EZH2: variants seen among roughly 807,000 people sequenced by gnomAD.
EZH2 encodes the protein histone-lysine N-methyltransferase EZH2.
EZH2 carries 18 observed loss-of-function variants against 98.4 expected under a neutral mutation model. That is an observed-to-expected ratio of 0.18 (90% confidence interval 0.13 to 0.27). The LOEUF is 0.27. Among genes scored for constraint, EZH2 ranks in the 10% least tolerant of loss-of-function variants. EZH2 has a pLI of 1.00. For synonymous variants in EZH2, 338 were observed against 312.3 expected (o/e 1.08, Z -0.87); for missense variants, 470 against 935.1 (o/e 0.50, Z 6.49).
chr7:148,816,929 A>G (rs1804719256), intron 11 of EZH2, 151 bp from the exon 12 acceptor site: 1 of 626,598 alleles, frequency 1.6e-6, no homozygotes, highest in Non-Finnish European at 2.8e-6. Flanking sequence ...CTACCCTCAC[A>G]TTAGGGGTAG....
chr7:148,866,565 T>TATATATACATATATAC (rs1818522004), intron 1 of EZH2, among the ~76,000 whole-genome samples: 5 of 143,204 alleles, frequency 3.5e-5, no homozygotes, highest in Non-Finnish European at 6.0e-5. Flanking sequence ...CATATATACA[T>TATATATACATATATAC]ATATATACGT....
chr7:148,831,877 T>C (rs987122129), intron 4 of EZH2, among the ~76,000 whole-genome samples: 3 of 152,226 alleles, frequency 2.0e-5, no homozygotes, highest in Non-Finnish European at 4.4e-5. Flanking sequence ...CTCTTTAGCA[T>C]TTTATTACAA....
At chr7:148,875,384 A>G (rs933113210) in intron 1 of EZH2, among the ~76,000 whole-genome samples, 9 of 152,244 alleles carry the variant, frequency 5.9e-5, no homozygotes, top group African/African-American at 2.2e-4. Context: ...TAATGTGACT[A>G]TGTACCCAGA....
intron 3 of EZH2, among the ~76,000 whole-genome samples, chr7:148,843,408 A>G (rs1047323722): frequency 6.6e-6 from 1 of 151,734 alleles, no homozygotes; most frequent in Non-Finnish European, 1.5e-5. Context: ...AGAAAACCAC[A>G]TACTGGAGAT....
At chr7:148,851,091 C>T (rs1815643271) in intron 1 of EZH2, among the ~76,000 whole-genome samples, 1 of 152,096 alleles carries the variant, frequency 6.6e-6, no homozygotes, top group Non-Finnish European at 1.5e-5. Flanking sequence ...TATTAACCCA[C>T]ATGAATAACG....
intron 3 of EZH2, among the ~76,000 whole-genome samples, chr7:148,836,624 C>A (rs1275373758): frequency 6.6e-6 from 1 of 152,054 alleles, no homozygotes. Context: ...TACTAGGAGA[C>A]CTTTATCAAC....
chr7:148,816,619 G>C (rs753589725), intron 12 of EZH2, 65 bp downstream of exon 12: 3 of 1,224,774 alleles, frequency 2.4e-6, no homozygotes, highest in Non-Finnish European at 3.6e-6. Context: ...ACAGCCCTTA[G>C]GAAGGGCCTT....
At chr7:148,810,202 C>G (rs1802643023) in intron 17 of EZH2, 131 bp downstream of exon 17, 1 of 561,192 alleles carries the variant, frequency 1.8e-6, no homozygotes. Context: ...AGCAAGCAGC[C>G]CCCCATGCCT....
At chr7:148,842,812 T>C (rs1812810603) in intron 3 of EZH2, among the ~76,000 whole-genome samples, 1 of 152,042 alleles carries the variant, frequency 6.6e-6, no homozygotes, top group Non-Finnish European at 1.5e-5. Context: ...ACACCTGTAA[T>C]CCCAGTACTT....
chr7:148,850,914 A>G (rs1467976775), intron 1 of EZH2, among the ~76,000 whole-genome samples: 1 of 152,232 alleles, frequency 6.6e-6, no homozygotes, highest in Admixed American at 6.5e-5. Context: ...ATGAACAATT[A>G]TAACAATATA....
chr7:148,819,755 C>G, intron 8 of EZH2, 68 bp from the exon 9 acceptor site: 8 of 1,362,620 alleles, frequency 5.9e-6, no homozygotes, highest in Non-Finnish European at 8.3e-6. Context: ...TCTTCCAGTT[C>G]CACTGGAAAA....
intron 3 of EZH2, among the ~76,000 whole-genome samples, chr7:148,841,897 C>A (rs1225986341): frequency 1.3e-5 from 2 of 151,974 alleles, no homozygotes; most frequent in Admixed American, 6.6e-5. Context: ...CTTCTCCCCC[C>A]AAAAAAATCT....
intron 3 of EZH2, among the ~76,000 whole-genome samples, chr7:148,835,226 C>G (rs778499856): frequency 2.0e-5 from 3 of 152,026 alleles, no homozygotes; most frequent in Non-Finnish European, 4.4e-5. Context: ...TCAAGACCAG[C>G]CTGGGCAACA....
rs1449425726 is a variant in EZH2 at position 148,832,688 on chromosome 7, T to G, written c.309A>C (p.Ala103=). 1 of 1,611,614 alleles carries G rather than the reference T, an allele frequency of 6.2e-7. No individual in the cohort carries two copies. Among genetic ancestry groups the G allele is most frequent in the Admixed American group, 1.7e-5 (1 of 59,952 alleles). The part of the protein sequence containing the change: ...TQVIPLKTLN[A]VASVPIMYSW... ...AATACATTATGGGTACTGAAGCAAC[T>G]GCATTCAGAGTCTTTAATGGGATGA... is the stretch of plus-strand genomic sequence containing the variant. The change falls in exon 4 of 20, where the codon GCA becomes GCC. Residue 103 remains alanine (A), a synonymous_variant. Coordinates refer to ENST00000320356, the MANE Select transcript of EZH2 (RefSeq NM_004456.5).
intron 6 of EZH2, 148 bp from the exon 7 acceptor site, chr7:148,827,414 T>G: frequency 3.3e-6 from 2 of 601,708 alleles, no homozygotes; most frequent in African/African-American, 1.9e-5. Context: ...CTCACATACT[T>G]TACATGTCTG....
chr7:148,853,886 G>A (rs1016577996), intron 1 of EZH2, among the ~76,000 whole-genome samples: 7 of 152,054 alleles, frequency 4.6e-5, no homozygotes, highest in Non-Finnish European at 8.8e-5. Context: ...CAACAGCATC[G>A]TCAGAAAAAG....
chr7:148,845,727 G>C (rs1264791607), intron 3 of EZH2, among the ~76,000 whole-genome samples: 1 of 152,144 alleles, frequency 6.6e-6, no homozygotes, highest in African/African-American at 2.4e-5. Context: ...CTACTACATA[G>C]TGCAATTTTA....
chr7:148,872,600 G>A (rs906555701), intron 1 of EZH2, among the ~76,000 whole-genome samples: 12 of 152,160 alleles, frequency 7.9e-5, no homozygotes, highest in Admixed American at 6.5e-5. Context: ...CAAGCATATC[G>A]TAGGAACTCA....
intron 1 of EZH2, chr7:148,876,410 C>T (rs926029533): frequency 6.6e-6 from 1 of 152,102 alleles, no homozygotes; most frequent in African/African-American, 2.4e-5. Context: ...TGTCAAAACT[C>T]CTCAAATCAT....
Sources: gnomAD v4.1 joint callset for allele counts (sites outside exome capture counted in the v4.1 genomes callset) on GRCh38, gnomAD v4.1.1 for gene constraint, MANE v1.5 for transcripts, NCBI Gene and HGNC (gene_info 2026-07-23, HGNC 2026-07-21) for gene names.